Variants in PLPPR1 observed in about 807,000 individuals in gnomAD.
The protein encoded by PLPPR1 is phospholipid phosphatase-related protein type 1.
In PLPPR1, 10 loss-of-function variants were observed where a neutral mutation model predicts 33.1. The observed-to-expected ratio is 0.30, with a 90% CI of 0.19 to 0.51. The LOEUF is 0.51. Among genes scored for constraint, PLPPR1 ranks in the 20% least tolerant of loss-of-function variants. The probability of loss-of-function intolerance (pLI) is 0.97; values close to 1 mark genes in which losing one functional copy is unlikely to be tolerated. For synonymous variants in PLPPR1, 151 were observed against 151.0 expected, an observed-to-expected ratio of 1.00 and a Z score of 0.00; for missense variants, 304 against 408.1, an observed-to-expected ratio of 0.74 and a Z score of 2.20.
At chr9:101,315,420 G>A (rs1829034325) in intron 6 of PLPPR1, among the ~76,000 whole-genome samples, 1 of 152,170 alleles carries the variant, frequency 6.6e-6, no homozygotes, top group South Asian at 2.1e-4. Context: ...AGTTAGAGAG[G>A]AAGAGCCATT....
chr9:101,291,245 C>T (rs536303706), intron 4 of PLPPR1, among the ~76,000 whole-genome samples: 26 of 152,304 alleles, frequency 1.7e-4, no homozygotes, highest in African/African-American at 5.1e-4. Flanking sequence ...GAGGGGCGCC[C>T]GCCATTGCCC....
intron 2 of PLPPR1, among the ~76,000 whole-genome samples, chr9:101,195,510 C>A (rs1826378296): frequency 6.6e-6 from 1 of 152,096 alleles, no homozygotes; most frequent in South Asian, 2.1e-4. Flanking sequence ...TTCCCTGTCA[C>A]TAAAGAGTTC....
intron 1 of PLPPR1, among the ~76,000 whole-genome samples, chr9:101,184,469 G>T (rs1826171355): frequency 6.6e-6 from 1 of 151,884 alleles, no homozygotes; most frequent in Non-Finnish European, 1.5e-5. Flanking sequence ...TACTTCCTAT[G>T]TTACCTTTCA....
intron 1 of PLPPR1, among the ~76,000 whole-genome samples, chr9:101,073,901 C>T (rs1830508526): frequency 6.6e-6 from 1 of 152,034 alleles, no homozygotes; most frequent in Non-Finnish European, 1.5e-5. Context: ...AAGATGAAGC[C>T]ATGAATATTA....
intron 1 of PLPPR1, among the ~76,000 whole-genome samples, chr9:101,083,578 A>T (rs1025485118): frequency 6.6e-6 from 1 of 152,098 alleles, no homozygotes; most frequent in African/African-American, 2.4e-5. Context: ...TTGGTTACTC[A>T]AGGTAGATCT....
At chr9:101,156,501 A>G (rs1027993855) in intron 1 of PLPPR1, among the ~76,000 whole-genome samples, 1 of 146,026 alleles carries the variant, frequency 6.8e-6, no homozygotes, top group Non-Finnish European at 1.5e-5. Context: ...CAGTGAGCCA[A>G]GTTTGCACCA....
intron 1 of PLPPR1, among the ~76,000 whole-genome samples, chr9:101,123,761 G>A (rs189764904): frequency 6.6e-6 from 1 of 152,240 alleles, no homozygotes. Flanking sequence ...GGAGAGCAAG[G>A]AGCCAGCAAG....
At chr9:101,279,684 CAT>C (rs1322425165) in intron 3 of PLPPR1, among the ~76,000 whole-genome samples, 4 of 152,102 alleles carry the variant, frequency 2.6e-5, no homozygotes, top group Admixed American at 1.3e-4. Context: ...TATACACACA[CAT>C]GGAAATTAAA....
At chr9:101,248,587 C>T (rs1348411191) in intron 2 of PLPPR1, among the ~76,000 whole-genome samples, 1 of 152,032 alleles carries the variant, frequency 6.6e-6, no homozygotes, top group Non-Finnish European at 1.5e-5. Flanking sequence ...CTTTTCATAA[C>T]CTCCAGTCAA....
intron 1 of PLPPR1, among the ~76,000 whole-genome samples, chr9:101,160,779 A>G (rs1312851142): frequency 2.6e-5 from 4 of 152,170 alleles, no homozygotes; most frequent in African/African-American, 9.7e-5. Flanking sequence ...AAATGCAAAT[A>G]TGATTTTGAA....
At chr9:101,278,208 T>G (rs1051649144) in intron 3 of PLPPR1, among the ~76,000 whole-genome samples, 2 of 152,260 alleles carry the variant, frequency 1.3e-5, no homozygotes, top group Non-Finnish European at 2.9e-5. Flanking sequence ...GTGACTAGTT[T>G]TTTCCACAGA....
At position 101,286,196 on chromosome 9, in the gene PLPPR1, T is replaced by C. The variant is rs1416815183; in HGVS notation, c.345T>C (p.Cys115=). 9 of 1,613,900 alleles carry C rather than the reference T, an allele frequency of 5.6e-6. No individual in the cohort carries two copies. In the South Asian group the frequency reaches 9.9e-5, roughly 18 times the overall value. Reference sequence around the variant, plus strand: ...AAACAATTCTGACCGGAGAATGCTGTTACCTGAACCCCTTACTTCGAAGGA... The same window carrying C: ...AAACAATTCTGACCGGAGAATGCTGCTACCTGAACCCCTTACTTCGAAGGA... ...QEKTILTGEC[C]YLNPLLRRII... is the part of the protein sequence containing the mutation. The change falls in exon 4 of 8, where the codon TGT becomes TGC. Residue 115 remains cysteine (C), a synonymous_variant. Transcript: ENST00000374874.
chr9:101,034,471 T>G (rs181890762), intron 1 of PLPPR1, among the ~76,000 whole-genome samples: 61 of 152,284 alleles, frequency 4.0e-4, no homozygotes, highest in African/African-American at 1.3e-3. Context: ...GCACAGCGGT[T>G]AAGAGCACAG....
At chr9:101,128,282 G>C (rs1340660164) in intron 1 of PLPPR1, among the ~76,000 whole-genome samples, 1 of 152,094 alleles carries the variant, frequency 6.6e-6, no homozygotes, top group African/African-American at 2.4e-5. Context: ...AACTTCACTG[G>C]AATCATGATT....
At chr9:101,244,995 T>G (rs531897772) in intron 2 of PLPPR1, among the ~76,000 whole-genome samples, 19 of 152,020 alleles carry the variant, frequency 1.2e-4, no homozygotes, top group Non-Finnish European at 2.4e-4. Context: ...CACCTACTAG[T>G]ACTATATTTA....
At chr9:101,082,566 G>T (rs1830634122) in intron 1 of PLPPR1, among the ~76,000 whole-genome samples, 2 of 152,190 alleles carry the variant, frequency 1.3e-5, no homozygotes, top group Non-Finnish European at 2.9e-5. Context: ...TTGGATATAT[G>T]TTTAACTGCA....
intron 1 of PLPPR1, among the ~76,000 whole-genome samples, chr9:101,150,119 C>A (rs1259536238): frequency 1.3e-5 from 2 of 151,950 alleles, no homozygotes; most frequent in East Asian, 1.9e-4. Flanking sequence ...CATTTCTCTG[C>A]CAACTTACTC....
intron 2 of PLPPR1, among the ~76,000 whole-genome samples, chr9:101,244,779 AAAGTT>A (rs113033217): frequency 0.054 from 8,264 of 152,086 alleles, 310 homozygotes; most frequent in South Asian, 0.18. Context: ...CATAAAATAA[AAAGTT>A]AAGCCAATAA....
intron 4 of PLPPR1, among the ~76,000 whole-genome samples, chr9:101,305,946 G>C (rs1828852669): frequency 6.6e-6 from 1 of 152,136 alleles, no homozygotes; most frequent in Non-Finnish European, 1.5e-5. Context: ...AGAAAAAAGT[G>C]AGAGACTTTA....
Sources: allele counts gnomAD v4.1 joint callset (sites outside exome capture counted in the v4.1 genomes callset), GRCh38; gene constraint gnomAD v4.1.1; transcripts MANE v1.5; gene names NCBI Gene and HGNC (gene_info 2026-07-23, HGNC 2026-07-21).